Variants in LHFPL3 observed in about 807,000 individuals in gnomAD.
The protein encoded by LHFPL3 is LHFPL tetraspan subfamily member 3 protein.
In LHFPL3, 5 loss-of-function variants were observed where a neutral mutation model predicts 19.3. The ratio of observed to expected loss-of-function variants is 0.26; its 90% CI spans 0.14 to 0.54. LHFPL3 has a LOEUF of 0.54. LHFPL3 is among the 20% of genes least tolerant of loss of function. The pLI, the probability that LHFPL3 is intolerant of heterozygous loss-of-function variation, is 0.94. For synonymous variants in LHFPL3, 133 were observed against 126.2 expected (o/e 1.05, Z -0.36); for missense variants, 249 against 307.4 (o/e 0.81, Z 1.42).
intron 2 of LHFPL3, among the ~76,000 whole-genome samples, chr7:104,782,247 T>C (rs780204591): frequency 6.6e-6 from 1 of 152,180 alleles, no homozygotes; most frequent in Admixed American, 6.5e-5. Context: ...TTCAGCAAAG[T>C]TGTCAATCTT....
chr7:104,856,352 C>T lies in LHFPL3; in HGVS notation c.683-49835C>T, dbSNP rs544719677. 2.1e-5 allele frequency among the ~76,000 whole-genome samples: 3 copies of T among 145,718 alleles called. 1 individual carries two copies. Among genetic ancestry groups the T allele is most frequent in the African/African-American group, 7.6e-5 (3 of 39,350 alleles). On this transcript the variant is annotated intron_variant, in intron 2 of 2. Transcript: ENST00000424859. ...CACAACCTCTGCCTCCGGATTCAAG[C>T]AATTCTCCTGCCTCAGCCTCCCGAG...
chr7:104,367,074 G>T (rs1336271547), intron 1 of LHFPL3, among the ~76,000 whole-genome samples: 1 of 152,068 alleles, frequency 6.6e-6, no homozygotes, highest in Non-Finnish European at 1.5e-5. Context: ...GGGCCCTCTG[G>T]CTCCATTAGT....
At chr7:104,331,861 A>G (rs992301054) in intron 1 of LHFPL3, among the ~76,000 whole-genome samples, 5 of 151,954 alleles carry the variant, frequency 3.3e-5, no homozygotes, top group African/African-American at 1.2e-4. Flanking sequence ...GAGGCAGGAG[A>G]ATCTCTTGAG....
At chr7:104,649,775 G>A (rs781247017) in intron 1 of LHFPL3, among the ~76,000 whole-genome samples, 20 of 152,138 alleles carry the variant, frequency 1.3e-4, no homozygotes, top group African/African-American at 3.9e-4. Flanking sequence ...GTATCTTTAC[G>A]TCCCAAATTG....
chr7:104,765,259 T>C (rs1794437805), intron 2 of LHFPL3, among the ~76,000 whole-genome samples: 1 of 152,182 alleles, frequency 6.6e-6, no homozygotes, highest in Non-Finnish European at 1.5e-5. Context: ...AAAGAAAAAG[T>C]TATGACTCTA....
chr7:104,495,123 A>G (rs570278515), intron 1 of LHFPL3, among the ~76,000 whole-genome samples: 1 of 152,088 alleles, frequency 6.6e-6, no homozygotes, highest in East Asian at 1.9e-4. Flanking sequence ...CCATAGTCCA[A>G]AATTTCTTCC....
intron 1 of LHFPL3, among the ~76,000 whole-genome samples, chr7:104,518,845 A>G (rs1562923348): frequency 2.0e-5 from 3 of 148,254 alleles, no homozygotes. Context: ...ATAGATAGAT[A>G]GAATAAATAA....
chr7:104,522,972 CTGTGTG>C (rs10541183), intron 1 of LHFPL3, among the ~76,000 whole-genome samples: 1 of 150,588 alleles, frequency 6.6e-6, no homozygotes, highest in South Asian at 2.1e-4. Flanking sequence ...CTATATATAT[CTGTGTG>C]TGTGTGTGTG....
At position 104,328,703 on chromosome 7, in the gene LHFPL3, A is replaced by T; in HGVS notation, c.-77A>T. On this transcript the variant is annotated 5_prime_UTR_variant, in exon 1 of 3. Transcript: ENST00000424859. This position sits in a 1 kb window ranked among gnomAD's most constrained non-coding sequence, Gnocchi z 4.6. The stretch of plus-strand genomic sequence containing the variant: ...GAGTTGCAGCGCGCGAGGCTCCGTG[A>T]GTGTGTCTCCTGCGCGCTGAGAGGC... The T allele has an allele frequency of 7.7e-7, 1 of 1,305,722 alleles. No homozygotes were observed. Among genetic ancestry groups the T allele is most frequent in the East Asian group, 2.5e-5 (1 of 39,532 alleles). 80.9% of individuals were successfully genotyped at this position (1,305,722 alleles called of 1,614,324 possible). A position where few individuals can be genotyped will look rare whatever the true frequency, so the allele number is the denominator to read the frequency against.
At chr7:104,529,442 G>A (rs1403405369) in intron 1 of LHFPL3, among the ~76,000 whole-genome samples, 1 of 152,072 alleles carries the variant, frequency 6.6e-6, no homozygotes, top group Non-Finnish European at 1.5e-5. Context: ...CGTTCCCACT[G>A]CCTGTAATGC....
chr7:104,688,128 G>A (rs963085722), intron 1 of LHFPL3, among the ~76,000 whole-genome samples: 1 of 152,184 alleles, frequency 6.6e-6, no homozygotes, highest in Non-Finnish European at 1.5e-5. Flanking sequence ...AAGGAGTTTA[G>A]TGGTTCTATA....
intron 1 of LHFPL3, among the ~76,000 whole-genome samples, chr7:104,616,390 G>C (rs936331130): frequency 6.6e-6 from 1 of 152,076 alleles, no homozygotes; most frequent in African/African-American, 2.4e-5. Context: ...AATGGGGAAA[G>C]GATTCCCTAT....
intron 2 of LHFPL3, among the ~76,000 whole-genome samples, chr7:104,831,614 C>T (rs1454512497): frequency 2.6e-5 from 4 of 151,824 alleles, no homozygotes; most frequent in African/African-American, 4.9e-5. Context: ...CCACCAGACA[C>T]CCCAGTAAGA....
At chr7:104,501,890 C>T (rs1216438087) in intron 1 of LHFPL3, among the ~76,000 whole-genome samples, 1 of 152,104 alleles carries the variant, frequency 6.6e-6, no homozygotes, top group African/African-American at 2.4e-5. Context: ...TGTCTGTTTT[C>T]TTTTTCTGGC....
intron 1 of LHFPL3, among the ~76,000 whole-genome samples, chr7:104,636,215 ATAGT>A (rs145136787): frequency 3.0e-4 from 45 of 152,286 alleles, no homozygotes; most frequent in African/African-American, 1.1e-3. Flanking sequence ...GCTTTTTTCA[ATAGT>A]TAGTGTCTAA....
At chr7:104,450,724 A>G (rs1333188522) in intron 1 of LHFPL3, among the ~76,000 whole-genome samples, 1 of 152,180 alleles carries the variant, frequency 6.6e-6, no homozygotes, top group Non-Finnish European at 1.5e-5. Flanking sequence ...AAGTATAATA[A>G]AAACAAAAAC....
intron 2 of LHFPL3, among the ~76,000 whole-genome samples, chr7:104,869,949 G>C (rs1163457926): frequency 6.6e-6 from 1 of 152,144 alleles, no homozygotes; most frequent in Non-Finnish European, 1.5e-5. Context: ...TAGGGACATG[G>C]ATGAAGCTGG....
chr7:104,883,944 C>G (rs906167146), intron 2 of LHFPL3, among the ~76,000 whole-genome samples: 4 of 152,126 alleles, frequency 2.6e-5, no homozygotes, highest in Non-Finnish European at 5.9e-5. Context: ...CCCGCATAAC[C>G]TGATGATGGT....
At chr7:104,877,831 T>C (rs970337992) in intron 2 of LHFPL3, among the ~76,000 whole-genome samples, 1 of 132,682 alleles carries the variant, frequency 7.5e-6, no homozygotes, top group African/African-American at 3.0e-5. Context: ...GAAATGTTTA[T>C]AGCAGCATTT....
Sources: allele counts gnomAD v4.1 joint callset (sites outside exome capture counted in the v4.1 genomes callset), GRCh38; gene constraint gnomAD v4.1.1; non-coding constraint Gnocchi (gnomAD v3.1); transcripts MANE v1.5; gene names NCBI Gene and HGNC (gene_info 2026-07-23, HGNC 2026-07-21).